The following ASB13 variants were observed in gnomAD, a reference collection of about 807,000 sequenced individuals.
ASB13 encodes the protein ankyrin repeat and SOCS box protein 13.
ASB13 carries 33 observed loss-of-function variants against 28.8 expected under a neutral mutation model. The ratio of observed to expected loss-of-function variants is 1.15; its 90% CI spans 0.87 to 1.53. The LOEUF (loss-of-function observed/expected upper bound fraction) is 1.53, where lower values mean the gene tolerates loss of function less well. Among genes scored for constraint, ASB13 ranks in the 40% most tolerant of loss-of-function variants. ASB13 has a pLI of 0.00. For missense variants in ASB13, 414 were observed against 390.1 expected, an observed-to-expected ratio of 1.06 and a Z score of -0.52; for synonymous variants, 182 against 172.9, an observed-to-expected ratio of 1.05 and a Z score of -0.41.
rs2131442689 is a variant in ASB13, at chr10:5,644,477, CAG to C, written c.518-2518_518-2517del. Among the ~76,000 whole-genome samples the C allele has an allele frequency of 6.6e-6, 1 of 152,138 alleles. No individual in the cohort carries two copies. The highest frequency in any genetic ancestry group is 1.5e-5 in the Non-Finnish European group (1 of 68,012). ...TACCACTGCACTCCAGCCTGGATGACAGAGTGAGGCCCATAGTGAGAAAGAGA... is the reference window on the plus strand; with the variant it reads ...TACCACTGCACTCCAGCCTGGATGACAGTGAGGCCCATAGTGAGAAAGAGA... On this transcript the variant is annotated intron_variant, in intron 4 of 5. Coordinates refer to ENST00000357700, the MANE Select transcript of ASB13 (RefSeq NM_024701.4). This position sits in a 1 kb window ranked among gnomAD's most constrained non-coding sequence, Gnocchi z 5.1.
chr10:5,653,657 CATTTATTTATTTATTTATTTATTT>C (rs34881215), intron 1 of ASB13, among the ~76,000 whole-genome samples: 1 of 148,520 alleles, frequency 6.7e-6, no homozygotes, highest in Non-Finnish European at 1.5e-5. Context: ...ATGTGGATGC[CATTTATTTATTTATTTATTTATTT>C]ATTTATTTAT....
rs1834997865 is a variant in ASB13 at position 5,652,059 on chromosome 10, CACA to C, written c.232-699_232-697del. The stretch of plus-strand genomic sequence containing the variant: ...ACACACACACACACACACACACACA[CACA>C]AAACTCTAACCTCAATGGAAGGAAT... On this transcript the variant is annotated intron_variant, in intron 2 of 5. Transcript: ENST00000357700. This position sits in a 1 kb window ranked among gnomAD's most constrained non-coding sequence, Gnocchi z 5.0. Among the ~76,000 whole-genome samples, 1 of 141,728 alleles carries C rather than the reference CACA, an allele frequency of 7.1e-6. No homozygotes were observed. The highest frequency in any genetic ancestry group is 1.5e-5 in the Non-Finnish European group (1 of 64,884). 93.0% of individuals were successfully genotyped at this position (141,728 alleles called of 152,430 possible).
rs1835209503 is a variant in ASB13, at chr10:5,663,689, C to T, written c.43+2820G>A. On this transcript the variant is annotated intron_variant, in intron 1 of 5. Transcript: ENST00000357700. This position sits in a 1 kb window ranked among gnomAD's most constrained non-coding sequence, Gnocchi z 4.9. ...GAGGAGGATAGAGGTACTGTTTTGC[C>T]CATAAACATGCTTCCTAAGCCTTTG... Among the ~76,000 whole-genome samples the T allele has an allele frequency of 6.6e-6, 1 of 152,194 alleles. No individual in the cohort carries two copies. Among genetic ancestry groups the T allele is most frequent in the Non-Finnish European group, 1.5e-5 (1 of 68,026 alleles).
In ASB13 at chr10:5,661,152, C is replaced by A. The variant is rs942171576; in HGVS notation, c.43+5357G>T. Among the ~76,000 whole-genome samples the A allele has an allele frequency of 2.0e-5, 3 of 152,316 alleles. No homozygotes were observed. The highest frequency in any genetic ancestry group is 1.9e-4 in the East Asian group (1 of 5,180). ...GCTCTGTGCCCAGGCCCGGCCACCCCCTAGAGAGCCTGTGTCTAGGAGGCA... is the reference window on the plus strand; with the variant it reads ...GCTCTGTGCCCAGGCCCGGCCACCCACTAGAGAGCCTGTGTCTAGGAGGCA... On this transcript the variant is annotated intron_variant, in intron 1 of 5. Transcript: ENST00000357700. The surrounding 1 kb of genome is among the most constrained non-coding windows in gnomAD (Gnocchi z 4.9).
At position 5,663,439 on chromosome 10, in the gene ASB13, C is replaced by G. The variant is rs960135041; in HGVS notation, c.43+3070G>C. Among the ~76,000 whole-genome samples, 4 of 152,192 alleles carry G rather than the reference C, an allele frequency of 2.6e-5. No homozygotes were observed. The highest frequency in any genetic ancestry group is 9.7e-5 in the African/African-American group (4 of 41,442). On this transcript the variant is annotated intron_variant, in intron 1 of 5. Coordinates refer to ENST00000357700, the MANE Select transcript of ASB13 (RefSeq NM_024701.4). This position sits in a 1 kb window ranked among gnomAD's most constrained non-coding sequence, Gnocchi z 4.9. Reference sequence around the variant, plus strand: ...TGCTACCCCGACTCCTCCCTTGCCCCTGGTCCACCCCAAAGGCTATGGCCC... The same window carrying G: ...TGCTACCCCGACTCCTCCCTTGCCCGTGGTCCACCCCAAAGGCTATGGCCC...
rs1323938097 is a variant in ASB13, at chr10:5,659,941, C to T, written c.43+6568G>A. Reference sequence around the variant, plus strand: ...TGAGACCTAACATGATGCTTGCACACTCTGGCCAAGCGGGGGCTCGTGCAT... The same window carrying T: ...TGAGACCTAACATGATGCTTGCACATTCTGGCCAAGCGGGGGCTCGTGCAT... On this transcript the variant is annotated intron_variant, in intron 1 of 5. Transcript: ENST00000357700. The surrounding 1 kb of genome is among the most constrained non-coding windows in gnomAD (Gnocchi z 5.8). Among the ~76,000 whole-genome samples, 1 of 152,250 alleles carries T rather than the reference C, an allele frequency of 6.6e-6. No individual in the cohort carries two copies. Among genetic ancestry groups the T allele is most frequent in the Non-Finnish European group, 1.5e-5 (1 of 68,044 alleles).
At chr10:5,654,162 T>C (rs1354242733) in intron 1 of ASB13, among the ~76,000 whole-genome samples, 1 of 132,430 alleles carries the variant, frequency 7.6e-6, no homozygotes, top group East Asian at 2.1e-4. Flanking sequence ...TTTTTTTTTG[T>C]CTCAGTCAAT....
At chr10:5,657,145 C>G (rs559381578) in intron 1 of ASB13, among the ~76,000 whole-genome samples, 1 of 152,208 alleles carries the variant, frequency 6.6e-6, no homozygotes, top group South Asian at 2.1e-4. Context: ...TGTAGTCTTA[C>G]TGCAGCAATT....
At position 5,641,071 on chromosome 10, in the gene ASB13, T is replaced by G. The variant is rs1002237967; in HGVS notation, c.710-241A>C. 2.6e-5 allele frequency among the ~76,000 whole-genome samples: 4 copies of G among 152,092 alleles called. No homozygotes were observed. Among genetic ancestry groups the G allele is most frequent in the Non-Finnish European group, 5.9e-5 (4 of 68,014 alleles). ...GTGGGCTTTGGGAGTTTGTTTGGTT[T>G]TGAGGTTTTTTGTTTTTTGTTTTTT... On this transcript the variant is annotated intron_variant, in intron 5 of 5. Coordinates refer to ENST00000357700, the MANE Select transcript of ASB13 (RefSeq NM_024701.4). The surrounding 1 kb of genome is among the most constrained non-coding windows in gnomAD (Gnocchi z 8.4).
chr10:5,664,231 C>G lies in ASB13; in HGVS notation c.43+2278G>C, dbSNP rs1046417500. On this transcript the variant is annotated intron_variant, in intron 1 of 5. Coordinates refer to ENST00000357700, the MANE Select transcript of ASB13 (RefSeq NM_024701.4). The surrounding 1 kb of genome is among the most constrained non-coding windows in gnomAD (Gnocchi z 4.2). ...CAACAGGAAGACACCCCTGCCCCACCCCCACCCCGGCTTCCCAGAGCAGCA... is the reference window on the plus strand; with the variant it reads ...CAACAGGAAGACACCCCTGCCCCACGCCCACCCCGGCTTCCCAGAGCAGCA... 2.6e-5 allele frequency among the ~76,000 whole-genome samples: 4 copies of G among 151,754 alleles called. No homozygotes were observed. Among genetic ancestry groups the G allele is most frequent in the Non-Finnish European group, 5.9e-5 (4 of 67,936 alleles).
Position 5,663,901 on chromosome 10 carries a change from A to C in ASB13, c.43+2608T>G, listed in dbSNP as rs992889041. 1.5e-4 allele frequency among the ~76,000 whole-genome samples: 23 copies of C among 152,152 alleles called. No individual in the cohort carries two copies. The highest frequency in any genetic ancestry group is 5.6e-4 in the African/African-American group (23 of 41,418). On this transcript the variant is annotated intron_variant, in intron 1 of 5. Coordinates refer to ENST00000357700, the MANE Select transcript of ASB13 (RefSeq NM_024701.4). This position sits in a 1 kb window ranked among gnomAD's most constrained non-coding sequence, Gnocchi z 4.9. ...TCCCTCTCCCCGCTCTGACACTGAA[A>C]TCAAGAGCGATAGAGCTGTGTTTCT...
At chr10:5,643,042 G>A (rs1247946200) in intron 4 of ASB13, among the ~76,000 whole-genome samples, 5 of 152,196 alleles carry the variant, frequency 3.3e-5, no homozygotes, top group African/African-American at 1.2e-4. Flanking sequence ...GAAAGAAAAT[G>A]CCATTTTATT....
intron 4 of ASB13, among the ~76,000 whole-genome samples, chr10:5,648,632 AGGTAAACACCCACGCG>A (rs1412606521): frequency 2.7e-5 from 4 of 145,658 alleles, no homozygotes; most frequent in Admixed American, 1.4e-4. Flanking sequence ...ACAACCACGC[AGGTAAACACCCACGCG>A]GGCAAACACC....
Position 5,658,675 on chromosome 10 carries a change from A to G in ASB13, c.44-5625T>C, listed in dbSNP as rs1835109962. Among the ~76,000 whole-genome samples, 1 of 152,204 alleles carries G rather than the reference A, an allele frequency of 6.6e-6. No homozygotes were observed. The highest frequency in any genetic ancestry group is 1.5e-5 in the Non-Finnish European group (1 of 68,034). ...TGTACTCAACCCTACTGAAGTGGAC[A>G]CTTGAAATGGCTAAGGTGGTAACTT... is the stretch of plus-strand genomic sequence containing the variant. On this transcript the variant is annotated intron_variant, in intron 1 of 5. Coordinates refer to ENST00000357700, the MANE Select transcript of ASB13 (RefSeq NM_024701.4). The surrounding 1 kb of genome is among the most constrained non-coding windows in gnomAD (Gnocchi z 4.2).
chr10:5,645,648 C>T lies in ASB13; in HGVS notation c.517+3322G>A, dbSNP rs906355196. On this transcript the variant is annotated intron_variant, in intron 4 of 5. Coordinates refer to ENST00000357700, the MANE Select transcript of ASB13 (RefSeq NM_024701.4). The surrounding 1 kb of genome is among the most constrained non-coding windows in gnomAD (Gnocchi z 5.4). ...GTGGGCCCCGACTGGTTCAATCCCT[C>T]TCCCCTCTCCACAGTAACTGGTTCA... Among the ~76,000 whole-genome samples the T allele has an allele frequency of 6.6e-6, 1 of 152,220 alleles. No individual in the cohort carries two copies. The highest frequency in any genetic ancestry group is 1.5e-5 in the Non-Finnish European group (1 of 68,046).
rs1834802581 is a variant in ASB13, at chr10:5,641,076, GT to G, written c.710-247del. 6.6e-6 allele frequency among the ~76,000 whole-genome samples: 1 copy of G among 151,520 alleles called. No homozygotes were observed. Among genetic ancestry groups the G allele is most frequent in the African/African-American group, 2.4e-5 (1 of 41,258 alleles). On this transcript the variant is annotated intron_variant, in intron 5 of 5. Transcript: ENST00000357700. This position sits in a 1 kb window ranked among gnomAD's most constrained non-coding sequence, Gnocchi z 8.4. Reference sequence around the variant, plus strand: ...CTTTGGGAGTTTGTTTGGTTTTGAGGTTTTTTGTTTTTTGTTTTTTGAGACA... The same window carrying G: ...CTTTGGGAGTTTGTTTGGTTTTGAGGTTTTTGTTTTTTGTTTTTTGAGACA...
At position 5,639,380 on chromosome 10, in the gene ASB13, C is replaced by CAG. The variant is rs1834771672; in HGVS notation, c.*1321_*1322dup. 2 of 152,758 alleles carry CAG rather than the reference C, an allele frequency of 1.3e-5. No individual in the cohort carries two copies. Among genetic ancestry groups the CAG allele is most frequent in the East Asian group, 3.9e-4 (2 of 5,186 alleles). The allele number at this position is 152,758 out of a possible 1,614,324, so 9.5% of individuals were successfully genotyped here. A position where few individuals can be genotyped will look rare whatever the true frequency, so the allele number is the denominator to read the frequency against. On this transcript the variant is annotated 3_prime_UTR_variant, in exon 6 of 6. Coordinates refer to ENST00000357700, the MANE Select transcript of ASB13 (RefSeq NM_024701.4). Reference sequence around the variant, plus strand: ...TCCAGGACAGGCGTGACCTGTTCTCCAGAATGGGTAGAGATGGGGTTTCAT... The same window carrying CAG: ...TCCAGGACAGGCGTGACCTGTTCTCCAGAGAATGGGTAGAGATGGGGTTTCAT...
In ASB13 at chr10:5,651,839, A is replaced by AG. The variant is rs1834988994; in HGVS notation, c.232-477_232-476insC. ...CAACATGGCGAAACCCTGTCTCTAC[A>AG]AAAAATACAAAAATTAGCTGGGTTT... On this transcript the variant is annotated intron_variant, in intron 2 of 5. Coordinates refer to ENST00000357700, the MANE Select transcript of ASB13 (RefSeq NM_024701.4). The surrounding 1 kb of genome is among the most constrained non-coding windows in gnomAD (Gnocchi z 5.1). 1.0e-5 allele frequency among the ~76,000 whole-genome samples: 1 copy of AG among 97,284 alleles called. No homozygotes were observed. The highest frequency in any genetic ancestry group is 3.5e-4 in the South Asian group (1 of 2,844). The allele number at this position is 97,284 out of a possible 152,430, so 63.8% of individuals were successfully genotyped here. A position where few individuals can be genotyped will look rare whatever the true frequency, so the allele number is the denominator to read the frequency against.
chr10:5,652,028 A>C lies in ASB13; in HGVS notation c.232-665T>G, dbSNP rs201275077. 1.8e-5 allele frequency among the ~76,000 whole-genome samples: 1 copy of C among 55,262 alleles called. No individual in the cohort carries two copies. The highest frequency in any genetic ancestry group is 1.8e-4 in the Admixed American group (1 of 5,606). The allele number at this position is 55,262 out of a possible 152,430, so 36.3% of individuals were successfully genotyped here. On this transcript the variant is annotated intron_variant, in intron 2 of 5. Coordinates refer to ENST00000357700, the MANE Select transcript of ASB13 (RefSeq NM_024701.4). The surrounding 1 kb of genome is among the most constrained non-coding windows in gnomAD (Gnocchi z 5.0). Reference sequence around the variant, plus strand: ...AAAAAAAAAAAAAAAAAAAAAAACCACACACACACACACACACACACACAC... The same window carrying C: ...AAAAAAAAAAAAAAAAAAAAAAACCCCACACACACACACACACACACACAC...
Sources: gnomAD v4.1 joint callset for allele counts (sites outside exome capture counted in the v4.1 genomes callset) on GRCh38, gnomAD v4.1.1 for gene constraint, Gnocchi (gnomAD v3.1) non-coding constraint, MANE v1.5 for transcripts, NCBI Gene and HGNC (gene_info 2026-07-23, HGNC 2026-07-21) for gene names.